CRACDL: variants seen among roughly 807,000 people sequenced by gnomAD.
CRACDL encodes the protein CRACD like, also known as CRACD-like protein.
Under a neutral mutation model 70.6 loss-of-function variants are expected in CRACDL, and 26 were observed. That is an observed-to-expected ratio of 0.37 (90% CI 0.27 to 0.51). The LOEUF (loss-of-function observed/expected upper bound fraction) is 0.51, where lower values mean the gene tolerates loss of function less well. Among genes scored for constraint, CRACDL ranks in the 20% least tolerant of loss-of-function variants. CRACDL has a pLI of 0.94. For synonymous variants in CRACDL, 618 were observed against 615.2 expected, an observed-to-expected ratio of 1.00 and a Z score of -0.07; for missense variants, 1,283 against 1,376.9, an observed-to-expected ratio of 0.93 and a Z score of 1.08.
At position 98,913,363 on chromosome 2, in the gene CRACDL, C is replaced by A. The variant is rs113041955; in HGVS notation, c.-11+22575G>T. On this transcript the variant is annotated intron_variant, in intron 1 of 9. Coordinates refer to ENST00000397899, the MANE Select transcript of CRACDL (RefSeq NM_207362.3). The stretch of plus-strand genomic sequence containing the variant: ...TGGGAAGGGAAGAGAGCTGGCAAAG[C>A]TACTCAGGGTGGTCCGTGGGCAGTC... Among the ~76,000 whole-genome samples, 1,063 of 152,240 alleles carry A rather than the reference C, an allele frequency of 7.0e-3. 12 individuals carry two copies. The highest frequency in any genetic ancestry group is 0.024 in the African/African-American group (1,011 of 41,532).
At chr2:98,916,493 C>T (rs1196966553) in intron 1 of CRACDL, among the ~76,000 whole-genome samples, 1 of 126,796 alleles carries the variant, frequency 7.9e-6, no homozygotes, top group African/African-American at 3.5e-5. Context: ...TCAATGATAC[C>T]TCAATAAAGC....
chr2:98,814,261 G>A (rs1704693273), intron 7 of CRACDL, among the ~76,000 whole-genome samples: 2 of 151,834 alleles, frequency 1.3e-5, no homozygotes, highest in Admixed American at 1.3e-4. Context: ...TTAAATTACT[G>A]CTTTGAAACA....
At chr2:98,883,892 T>C (rs796710598) in intron 1 of CRACDL, among the ~76,000 whole-genome samples, 15 of 152,342 alleles carry the variant, frequency 9.8e-5, no homozygotes, top group African/African-American at 3.1e-4. Flanking sequence ...TGCTCACTGT[T>C]ATTTTTGGCA....
chr2:98,862,677 G>A (rs1021312993), intron 1 of CRACDL, among the ~76,000 whole-genome samples: 1 of 152,148 alleles, frequency 6.6e-6, no homozygotes, highest in Non-Finnish European at 1.5e-5. Context: ...AGGCAGATAT[G>A]AGCAGGCAGA....
At chr2:98,874,372 C>T (rs1468232201) in intron 1 of CRACDL, among the ~76,000 whole-genome samples, 1 of 152,210 alleles carries the variant, frequency 6.6e-6, no homozygotes, top group Non-Finnish European at 1.5e-5. Flanking sequence ...TCTCACAGTT[C>T]CTTCCAGGTG....
intron 1 of CRACDL, among the ~76,000 whole-genome samples, chr2:98,851,406 G>C (rs1281065838): frequency 6.6e-6 from 1 of 152,178 alleles, no homozygotes; most frequent in African/African-American, 2.4e-5. Flanking sequence ...ACCTCAGAGA[G>C]CTGTAGAGAG....
intron 1 of CRACDL, among the ~76,000 whole-genome samples, chr2:98,864,805 C>G (rs1707070643): frequency 6.6e-6 from 1 of 152,172 alleles, no homozygotes; most frequent in African/African-American, 2.4e-5. Context: ...CCTTGGCCTC[C>G]CAAAGTGCTG....
At chr2:98,817,016 A>G (rs1704809982) in intron 7 of CRACDL, among the ~76,000 whole-genome samples, 1 of 152,264 alleles carries the variant, frequency 6.6e-6, no homozygotes, top group Admixed American at 6.5e-5. Context: ...AATATTATTC[A>G]GCCTTAAAAA....
rs554584378 is a variant in CRACDL, at chr2:98,886,864, A to G, written c.-10-40054T>C. Among the ~76,000 whole-genome samples, 4 of 152,358 alleles carry G rather than the reference A, an allele frequency of 2.6e-5. No individual in the cohort carries two copies. The South Asian group carries it at 8.3e-4, about 32-fold the overall frequency. On this transcript the variant is annotated intron_variant, in intron 1 of 9. Coordinates refer to ENST00000397899, the MANE Select transcript of CRACDL (RefSeq NM_207362.3). ...GCAAAAAATTACAAGATATAAGAAGAAACAAGAAAATATGGTCCACATATA... is the reference window on the plus strand; with the variant it reads ...GCAAAAAATTACAAGATATAAGAAGGAACAAGAAAATATGGTCCACATATA...
chr2:98,816,495 G>C (rs976099021), intron 7 of CRACDL, among the ~76,000 whole-genome samples: 2 of 152,178 alleles, frequency 1.3e-5, no homozygotes, highest in African/African-American at 4.8e-5. Flanking sequence ...AACTGTGCTG[G>C]AGGTGGCATT....
chr2:98,809,375 C>T (rs1356424), intron 7 of CRACDL, among the ~76,000 whole-genome samples: 72,120 of 151,700 alleles, frequency 0.48, 18,281 homozygotes, highest in African/African-American at 0.66. Flanking sequence ...GGCTGGCTCC[C>T]CATGTGGGGC....
chr2:98,836,240 G>A (rs1705774648), intron 3 of CRACDL, among the ~76,000 whole-genome samples: 1 of 152,170 alleles, frequency 6.6e-6, no homozygotes, highest in Non-Finnish European at 1.5e-5. Flanking sequence ...GGTCCCATGT[G>A]GTTTGCTCGC....
rs80190873 is a variant in CRACDL, at chr2:98,906,067, C to T, written c.-11+29871G>A. ...TCTCATCTCCTAAATTCCAATTGCA[C>T]GTGTTGGGCTATTTGATATTATCTC... On this transcript the variant is annotated intron_variant, in intron 1 of 9. Transcript: ENST00000397899. 9.2e-5 allele frequency among the ~76,000 whole-genome samples: 14 copies of T among 152,112 alleles called. 1 individual carries two copies. The highest frequency in any genetic ancestry group is 2.9e-4 in the African/African-American group (12 of 41,414).
chr2:98,894,807 A>C (rs889770350), intron 1 of CRACDL, among the ~76,000 whole-genome samples: 1 of 152,178 alleles, frequency 6.6e-6, no homozygotes. Flanking sequence ...GATGTCACTG[A>C]TTACATTCCT....
At chr2:98,838,879 A>G (rs1469479901) in intron 2 of CRACDL, among the ~76,000 whole-genome samples, 3 of 152,146 alleles carry the variant, frequency 2.0e-5, no homozygotes, top group Non-Finnish European at 4.4e-5. Flanking sequence ...CAACTCTGCC[A>G]TGCTTCCTGG....
Position 98,822,019 on chromosome 2 carries a change from G to T in CRACDL, c.2254C>A (p.Pro752Thr), listed in dbSNP as rs553088757. 6.5e-7 allele frequency: 1 copy of T among 1,539,492 alleles called. No homozygotes were observed. The highest frequency in any genetic ancestry group is 8.8e-7 in the Non-Finnish European group (1 of 1,141,990). ...GGCTTGGAGCTGAGCGGCTCGGGGGGCCGGGCCTTCCCCTTTCCTTGGTCG... is the reference window on the plus strand; with the variant it reads ...GGCTTGGAGCTGAGCGGCTCGGGGGTCCGGGCCTTCCCCTTTCCTTGGTCG... ...PSDQGKGKAR[P>T]PEPLSSKPPL... The change falls in exon 7 of 10, where the codon CCC (proline) becomes ACC (threonine). Residue 752 changes from proline (P) to threonine (T), a missense_variant. Pro to Thr is a conservative substitution (Grantham distance 38, BLOSUM62 -1). This residue lies in a region of CRACDL where 921 missense variants were observed against 881.9 expected (regional missense o/e 1.04). Transcript: ENST00000397899. The surrounding 1 kb of genome is among the most constrained non-coding windows in gnomAD (Gnocchi z 4.9).
chr2:98,832,733 TG>T, intron 4 of CRACDL, 128 bp downstream of exon 4: 1 of 1,242,866 alleles, frequency 8.0e-7, no homozygotes. Flanking sequence ...TGGTGTGTCC[TG>T]GGGGAGCTGT....
chr2:98,824,042 C>A (rs1194796778), intron 6 of CRACDL, among the ~76,000 whole-genome samples: 1 of 152,192 alleles, frequency 6.6e-6, no homozygotes, highest in East Asian at 1.9e-4. Context: ...AGCCAGTCTC[C>A]CATGTCAACA....
At chr2:98,920,711 C>T (rs964729517) in intron 1 of CRACDL, among the ~76,000 whole-genome samples, 1 of 152,156 alleles carries the variant, frequency 6.6e-6, no homozygotes, top group Non-Finnish European at 1.5e-5. Flanking sequence ...CCTCCCCAAC[C>T]CAAATTCATG....
Sources: allele counts gnomAD v4.1 joint callset (sites outside exome capture counted in the v4.1 genomes callset), GRCh38; gene constraint gnomAD v4.1.1; regional missense constraint gnomAD v4.1.1; non-coding constraint Gnocchi (gnomAD v3.1); transcripts MANE v1.5; gene names NCBI Gene and HGNC (gene_info 2026-07-23, HGNC 2026-07-21).